The following RBFOX1 variants were observed in gnomAD, a reference collection of about 807,000 sequenced individuals.
The protein encoded by RBFOX1 is RNA binding protein fox-1 homolog 1.
In RBFOX1, 8 loss-of-function variants were observed where a neutral mutation model predicts 57.7. The observed-to-expected ratio is 0.14, with a 90% CI of 0.08 to 0.25. RBFOX1 has a LOEUF of 0.25. Ranked by LOEUF, RBFOX1 falls within the 10% of genes least tolerant of loss-of-function variation. The pLI is 1.00. For synonymous variants in RBFOX1, 326 were observed against 222.4 expected, an observed-to-expected ratio of 1.47 and a Z score of -4.15; for missense variants, 611 against 548.5, an observed-to-expected ratio of 1.11 and a Z score of -1.14.
chr16:6,503,424 C>T (rs189379447), intron 2 of RBFOX1, among the ~76,000 whole-genome samples: 1 of 152,120 alleles, frequency 6.6e-6, no homozygotes, highest in Non-Finnish European at 1.5e-5. Context: ...TTAAAAAAAT[C>T]ATATGTTTGT....
chr16:7,463,688 T>G (rs1331515345), intron 4 of RBFOX1, among the ~76,000 whole-genome samples: 1 of 152,156 alleles, frequency 6.6e-6, no homozygotes, highest in East Asian at 1.9e-4. Flanking sequence ...AGGTAACATA[T>G]TTATAGATTC....
rs558202008 is a variant in RBFOX1 at position 7,200,670 on chromosome 16, G to A, written c.27+148572G>A. Among the ~76,000 whole-genome samples, 60 of 152,174 alleles carry A rather than the reference G, an allele frequency of 3.9e-4. 1 individual carries two copies. The highest frequency in any genetic ancestry group is 2.8e-3 in the Admixed American group (43 of 15,282). ...CTTGGAAATAGTTCACTTAGTCAGA[G>A]TCAGTATGCCCCAAATTAAAGGATA... is the stretch of plus-strand genomic sequence containing the variant. On this transcript the variant is annotated intron_variant, in intron 4 of 15. Coordinates refer to ENST00000550418, the MANE Select transcript of RBFOX1 (RefSeq NM_018723.4).
chr16:6,279,077 A>G (rs2076122056), intron 1 of RBFOX1, among the ~76,000 whole-genome samples: 1 of 152,118 alleles, frequency 6.6e-6, no homozygotes, highest in Non-Finnish European at 1.5e-5. Context: ...GTGGGGGGAA[A>G]TTGATTTTTA....
chr16:7,430,299 C>G (rs1255139142), intron 4 of RBFOX1, among the ~76,000 whole-genome samples: 2 of 152,124 alleles, frequency 1.3e-5, no homozygotes, highest in East Asian at 1.9e-4. Context: ...ATGCAATTCC[C>G]AAAAGCAAAG....
chr16:7,661,131 T>C (rs758488474), intron 12 of RBFOX1, among the ~76,000 whole-genome samples: 3 of 152,162 alleles, frequency 2.0e-5, no homozygotes, highest in Admixed American at 1.3e-4. Flanking sequence ...TTTGGTAAAA[T>C]TGGCTTCCCA....
chr16:5,576,316 G>T (rs1003427613), intron 2 of RBFOX1, among the ~76,000 whole-genome samples: 7 of 152,040 alleles, frequency 4.6e-5, no homozygotes, highest in Admixed American at 6.6e-5. Context: ...TTTTGATGGG[G>T]TCCTGTTAAG....
At chr16:5,856,604 T>TATATATATATATATATATA (rs776623035) in intron 3 of RBFOX1, among the ~76,000 whole-genome samples, 14 of 68,100 alleles carry the variant, frequency 2.1e-4, no homozygotes, top group East Asian at 5.5e-4. Flanking sequence ...TATATATATA[T>TATATATATATATATATATA]AATCTTAGCC....
intron 5 of RBFOX1, among the ~76,000 whole-genome samples, chr16:7,519,284 G>A (rs1227532240): frequency 6.6e-6 from 1 of 152,088 alleles, no homozygotes; most frequent in Non-Finnish European, 1.5e-5. Flanking sequence ...TCCAGGTTGC[G>A]GTGTTTGTCC....
chr16:6,891,819 T>G (rs749706821), intron 3 of RBFOX1, among the ~76,000 whole-genome samples: 27 of 152,198 alleles, frequency 1.8e-4, no homozygotes, highest in Non-Finnish European at 2.1e-4. Flanking sequence ...GCCAGCCTAA[T>G]GTAGGGTTGG....
At chr16:6,686,763 C>G (rs374781006) in intron 3 of RBFOX1, among the ~76,000 whole-genome samples, 76 of 152,278 alleles carry the variant, frequency 5.0e-4, no homozygotes, top group African/African-American at 1.6e-3. Context: ...CTCCCAACCT[C>G]CCCCATTACA....
intron 3 of RBFOX1, among the ~76,000 whole-genome samples, chr16:5,732,661 A>C (rs747254278): frequency 6.6e-6 from 1 of 152,208 alleles, no homozygotes; most frequent in African/African-American, 2.4e-5. Context: ...ACTACCTTCT[A>C]TGTAGTCTTT....
chr16:6,627,728 C>A (rs140280671), intron 2 of RBFOX1, among the ~76,000 whole-genome samples: 2 of 152,142 alleles, frequency 1.3e-5, no homozygotes, highest in Admixed American at 6.5e-5. Context: ...AGTCATCCCC[C>A]CTCTGAGGCC....
chr16:5,427,792 A>C (rs2067607773), intron 1 of RBFOX1, among the ~76,000 whole-genome samples: 1 of 152,064 alleles, frequency 6.6e-6, no homozygotes, highest in Non-Finnish European at 1.5e-5. Flanking sequence ...CACATTAGAG[A>C]GTCAACCTGC....
At chr16:7,679,929 T>C (rs559370786) in intron 14 of RBFOX1, among the ~76,000 whole-genome samples, 1 of 152,270 alleles carries the variant, frequency 6.6e-6, no homozygotes, top group East Asian at 1.9e-4. Context: ...TCTTGGCATT[T>C]AGGAAACATT....
At chr16:6,675,650 G>T (rs996539280) in intron 3 of RBFOX1, among the ~76,000 whole-genome samples, 3 of 152,138 alleles carry the variant, frequency 2.0e-5, no homozygotes, top group African/African-American at 7.2e-5. Context: ...GACTGGGGAT[G>T]CCTCACAATC....
At chr16:6,895,498 A>G (rs1481082183) in intron 3 of RBFOX1, among the ~76,000 whole-genome samples, 1 of 126,874 alleles carries the variant, frequency 7.9e-6, no homozygotes, top group Non-Finnish European at 1.6e-5. Flanking sequence ...TTATTCCCCT[A>G]TTGGATAACA....
rs1437871837 is a variant in RBFOX1, at chr16:6,354,848, T to C, written c.-64+37791T>C. 5.3e-5 allele frequency among the ~76,000 whole-genome samples: 8 copies of C among 152,204 alleles called. No homozygotes were observed. In the East Asian group the frequency reaches 1.3e-3, roughly 26 times the overall value. ...ATTAACTACTGAAGGAATCAGTGAA[T>C]GAATGATCAATAAATGAATAAATAA... On this transcript the variant is annotated intron_variant, in intron 2 of 15. Coordinates refer to ENST00000550418, the MANE Select transcript of RBFOX1 (RefSeq NM_018723.4).
intron 3 of RBFOX1, among the ~76,000 whole-genome samples, chr16:5,678,683 A>G (rs992005909): frequency 6.6e-6 from 1 of 152,232 alleles, no homozygotes. Flanking sequence ...CTCTTCCTCC[A>G]GTGTTTCTCA....
At chr16:5,944,843 C>T (rs371320701) in intron 4 of RBFOX1, among the ~76,000 whole-genome samples, 20 of 139,982 alleles carry the variant, frequency 1.4e-4, no homozygotes, top group East Asian at 1.2e-3. Flanking sequence ...CCTGTAGTCC[C>T]AGCTACTCAG....
Sources: allele counts gnomAD v4.1 joint callset (sites outside exome capture counted in the v4.1 genomes callset), GRCh38; gene constraint gnomAD v4.1.1; transcripts MANE v1.5; gene names NCBI Gene and HGNC (gene_info 2026-07-23, HGNC 2026-07-21).